The following KAT6A variants were observed in gnomAD, a reference collection of about 807,000 sequenced individuals.
KAT6A encodes lysine acetyltransferase 6A.
Under a neutral mutation model 198.4 loss-of-function variants are expected in KAT6A, and 9 were observed. The observed-to-expected ratio is 0.05, with a 90% confidence interval of 0.03 to 0.08. The LOEUF is 0.08. KAT6A is among the 10% of genes least tolerant of loss of function. The probability of loss-of-function intolerance (pLI) is 1.00; values close to 1 mark genes in which losing one functional copy is unlikely to be tolerated. For missense variants in KAT6A, 2,077 were observed against 2,509.9 expected (o/e 0.83, Z 3.69); for synonymous variants, 890 against 883.0 (o/e 1.01, Z -0.14).
At chr8:41,994,056 G>GAA (rs111276929) in intron 2 of KAT6A, among the ~76,000 whole-genome samples, 5 of 152,038 alleles carry the variant, frequency 3.3e-5, no homozygotes, top group African/African-American at 1.2e-4. Flanking sequence ...GATAATCAGT[G>GAA]AAAAAATCTG....
In KAT6A at chr8:41,933,210, T is replaced by C. The variant is rs762062094; in HGVS notation, c.5010A>G (p.Pro1670=). ...QPPPPQPQPA[P]QPPPPQQQPQ... ...GCTGCTGCTGGGGTGGTGGAGGCTG[T>C]GGTGCTGGTTGTGGTTGTGGCGGCG... The change falls in exon 17 of 17, where the codon CCA becomes CCG. Residue 1670 remains proline, a synonymous_variant. Transcript: ENST00000265713. This position sits in a 1 kb window ranked among gnomAD's most constrained non-coding sequence, Gnocchi z 6.2. The C allele has an allele frequency of 1.3e-5, 21 of 1,578,790 alleles. No individual in the cohort carries two copies. The highest frequency in any genetic ancestry group is 1.6e-5 in the Non-Finnish European group (19 of 1,166,030).
Position 41,974,830 on chromosome 8 carries a change from T to TA in KAT6A, c.1364-9dup, listed in dbSNP as rs1823969398. The TA allele has an allele frequency of 3.2e-6, 5 of 1,569,058 alleles. No homozygotes were observed. Among genetic ancestry groups the TA allele is most frequent in the African/African-American group, 1.4e-5 (1 of 73,488 alleles). ...CCCAGCCATCCTGATTGTCTACATA[T>TA]AAAAAAAGAGCTCACATGTTAACTG... On this transcript the variant is annotated splice_polypyrimidine_tract_variant and intron_variant, in intron 7 of 16. Transcript: ENST00000265713.
At position 41,955,298 on chromosome 8, in the gene KAT6A, T is replaced by C. The variant is rs777519286; in HGVS notation, c.1596A>G (p.Ser532=). 6.4e-7 allele frequency: 1 copy of C among 1,560,048 alleles called. No homozygotes were observed. Among genetic ancestry groups the C allele is most frequent in the Non-Finnish European group, 8.8e-7 (1 of 1,130,734 alleles). Residue 532 remains serine, a splice_region_variant and synonymous_variant, in exon 9 of 17, where the codon TCA becomes TCG. Coordinates refer to ENST00000265713, the MANE Select transcript of KAT6A (RefSeq NM_006766.5). ...GTCAAGGGTCTCTCAAAACATACCT[T>C]GAGTATTCTTGAGGATATGGGGAGG... ...WYSSPYPQEY[S]RLPKLYLCEF... is the part of the protein sequence containing the mutation.
intron 6 of KAT6A, 127 bp downstream of exon 6, chr8:41,978,515 C>CATT: frequency 1.1e-6 from 1 of 899,708 alleles, no homozygotes; most frequent in Non-Finnish European, 1.7e-6. Flanking sequence ...AAGTGTTAGC[C>CATT]ATTATTATTA....
chr8:42,039,721 G>T (rs1323291163), intron 2 of KAT6A, among the ~76,000 whole-genome samples: 1 of 151,912 alleles, frequency 6.6e-6, no homozygotes, highest in Non-Finnish European at 1.5e-5. Context: ...ATGAAAACTT[G>T]TATTATTATT....
At chr8:41,963,972 C>G (rs994501218) in intron 8 of KAT6A, among the ~76,000 whole-genome samples, 1 of 152,092 alleles carries the variant, frequency 6.6e-6, no homozygotes, top group Non-Finnish European at 1.5e-5. Context: ...CTCATCCCTT[C>G]AGCACCCTAC....
At chr8:41,960,214 T>C (rs1460757909) in intron 8 of KAT6A, among the ~76,000 whole-genome samples, 2 of 152,132 alleles carry the variant, frequency 1.3e-5, no homozygotes, top group Non-Finnish European at 2.9e-5. Context: ...AAAAAAGTTC[T>C]GGAAATAGAT....
chr8:41,973,262 G>T (rs2150883899), intron 8 of KAT6A, among the ~76,000 whole-genome samples: 1 of 149,934 alleles, frequency 6.7e-6, no homozygotes, highest in East Asian at 2.0e-4. Context: ...GTCTCACTCT[G>T]TTGCCCAGGC....
intron 15 of KAT6A, among the ~76,000 whole-genome samples, chr8:41,939,323 T>G (rs988601529): frequency 4.6e-5 from 7 of 152,168 alleles, no homozygotes; most frequent in Non-Finnish European, 1.0e-4. Context: ...AAAGTTAACT[T>G]CAATAGGGAA....
chr8:41,977,602 G>A (rs951972665), intron 6 of KAT6A: 10 of 301,240 alleles, frequency 3.3e-5, no homozygotes, highest in South Asian at 1.8e-4. Flanking sequence ...CTAGCTGTAC[G>A]ACTTGGACAA....
chr8:41,976,905 A>G (rs756432447), intron 7 of KAT6A, 103 bp downstream of exon 7: 2 of 969,128 alleles, frequency 2.1e-6, no homozygotes, highest in Non-Finnish European at 3.0e-6. Flanking sequence ...TCTATAACCA[A>G]TTGTTAATAA....
Position 41,946,491 on chromosome 8 carries a change from T to C in KAT6A, c.1996+100A>G, listed in dbSNP as rs62508251. Reference sequence around the variant, plus strand: ...ACCTACAAATCTTTAAATATATATATATACACACACACACACACACACACA... The same window carrying C: ...ACCTACAAATCTTTAAATATATATACATACACACACACACACACACACACA... On this transcript the variant is annotated intron_variant, in intron 12 of 16. Transcript: ENST00000265713. 25,888 of 463,944 alleles carry C rather than the reference T, an allele frequency of 0.056. 1,105 individuals are homozygous for C. The highest frequency in any genetic ancestry group is 0.13 in the Middle Eastern group (221 of 1,762). 28.7% of individuals were successfully genotyped at this position (463,944 alleles called of 1,614,324 possible).
chr8:41,976,741 C>G (rs1440492103), intron 7 of KAT6A, among the ~76,000 whole-genome samples: 2 of 152,166 alleles, frequency 1.3e-5, no homozygotes, highest in Non-Finnish European at 2.9e-5. Context: ...CCAAGTTTCT[C>G]TAGGCAGATT....
chr8:41,956,114 GAATA>G (rs1183811892), intron 8 of KAT6A, among the ~76,000 whole-genome samples: 1 of 152,092 alleles, frequency 6.6e-6, no homozygotes, highest in South Asian at 2.1e-4. Context: ...TCTAAACAGA[GAATA>G]ATTTTTAAAG....
At chr8:42,003,890 A>C (rs1226383949) in intron 2 of KAT6A, among the ~76,000 whole-genome samples, 1 of 152,236 alleles carries the variant, frequency 6.6e-6, no homozygotes, top group Non-Finnish European at 1.5e-5. Context: ...ACCATCTGCA[A>C]GACAAGGAGA....
At chr8:41,951,846 C>T (rs777672468) in intron 9 of KAT6A, among the ~76,000 whole-genome samples, 2 of 152,166 alleles carry the variant, frequency 1.3e-5, no homozygotes, top group African/African-American at 4.8e-5. Flanking sequence ...CCAAATATTA[C>T]TTAAATCTAA....
intron 3 of KAT6A, among the ~76,000 whole-genome samples, chr8:41,984,393 G>A (rs942993768): frequency 6.6e-6 from 1 of 152,164 alleles, no homozygotes; most frequent in Admixed American, 6.5e-5. Flanking sequence ...CACATGGCAC[G>A]GAACTGAAGC....
At chr8:41,987,192 G>A (rs376710203) in intron 3 of KAT6A, among the ~76,000 whole-genome samples, 2 of 152,172 alleles carry the variant, frequency 1.3e-5, no homozygotes, top group African/African-American at 4.8e-5. Flanking sequence ...TACTGTACGG[G>A]TTTGAGCCTA....
chr8:41,942,709 T>C (rs2150862691), intron 14 of KAT6A, 84 bp downstream of exon 14: 2 of 1,404,076 alleles, frequency 1.4e-6, no homozygotes, highest in East Asian at 2.3e-5. Context: ...CTGTGAAAGA[T>C]GATCATAATA....
Sources: allele counts gnomAD v4.1 joint callset (sites outside exome capture counted in the v4.1 genomes callset), GRCh38; gene constraint gnomAD v4.1.1; non-coding constraint Gnocchi (gnomAD v3.1); transcripts MANE v1.5; gene names NCBI Gene and HGNC (gene_info 2026-07-23, HGNC 2026-07-21).